Variants in NRXN3 observed in about 807,000 individuals in gnomAD.
The protein encoded by NRXN3 is neurexin III.
A neutral mutation model predicts 137.6 loss-of-function variants in NRXN3; 32 were observed. The ratio of observed to expected loss-of-function variants is 0.23; its 90% CI spans 0.18 to 0.31. The LOEUF is 0.31. NRXN3 is among the 10% of genes least tolerant of loss of function. NRXN3 has a pLI of 1.00. For missense variants in NRXN3, 1,574 were observed against 2,062.5 expected (o/e 0.76, Z 4.59); for synonymous variants, 798 against 784.5 (o/e 1.02, Z -0.29).
chr14:79,832,554 G>T (rs2099327058), intron 20 of NRXN3, among the ~76,000 whole-genome samples: 1 of 152,148 alleles, frequency 6.6e-6, no homozygotes, highest in African/African-American at 2.4e-5. Context: ...GCCACAACTG[G>T]GAAGATGCTA....
intron 10 of NRXN3, among the ~76,000 whole-genome samples, chr14:78,848,181 C>T (rs2099032915): frequency 6.6e-6 from 1 of 152,078 alleles, no homozygotes. Context: ...CTTCACCCAC[C>T]AGCGCAGTAC....
At chr14:78,844,157 C>A (rs188083060) in intron 10 of NRXN3, among the ~76,000 whole-genome samples, 259 of 152,210 alleles carry the variant, frequency 1.7e-3, no homozygotes, top group Non-Finnish European at 2.9e-3. Flanking sequence ...GTTGCTGCTT[C>A]ACTCCAAACT....
At chr14:79,103,541 T>C (rs956177352) in intron 15 of NRXN3, among the ~76,000 whole-genome samples, 16 of 152,040 alleles carry the variant, frequency 1.1e-4, no homozygotes, top group Middle Eastern at 3.4e-3. Flanking sequence ...TGGCCTGGAG[T>C]TCGGGAGGGA....
intron 4 of NRXN3, among the ~76,000 whole-genome samples, chr14:78,333,481 G>T (rs374490187): frequency 7.9e-5 from 12 of 152,234 alleles, no homozygotes; most frequent in East Asian, 1.9e-4. Flanking sequence ...CACACATAAA[G>T]AAAAATCACA....
chr14:78,407,462 C>A (rs1456428707), intron 4 of NRXN3, among the ~76,000 whole-genome samples: 1 of 152,124 alleles, frequency 6.6e-6, no homozygotes, highest in Non-Finnish European at 1.5e-5. Flanking sequence ...TGGGGTTATG[C>A]TTTGGAAGGC....
intron 15 of NRXN3, among the ~76,000 whole-genome samples, chr14:79,070,107 A>C (rs1354232301): frequency 6.6e-6 from 1 of 152,010 alleles, no homozygotes; most frequent in Non-Finnish European, 1.5e-5. Flanking sequence ...GGATGTTATG[A>C]CCCTCTAATT....
chr14:79,112,938 C>G (rs2053799387), intron 15 of NRXN3, among the ~76,000 whole-genome samples: 1 of 152,126 alleles, frequency 6.6e-6, no homozygotes, highest in South Asian at 2.1e-4. Flanking sequence ...GTTTTCCTAC[C>G]TGGAGAGAAT....
chr14:79,195,948 G>T (rs1157632516), intron 15 of NRXN3, among the ~76,000 whole-genome samples: 1 of 152,170 alleles, frequency 6.6e-6, no homozygotes, highest in Non-Finnish European at 1.5e-5. Context: ...TATTTTTACA[G>T]ATTAGTTTTT....
At chr14:78,631,600 G>A (rs2152535153) in intron 4 of NRXN3, among the ~76,000 whole-genome samples, 1 of 152,306 alleles carries the variant, frequency 6.6e-6, no homozygotes, top group South Asian at 2.1e-4. Context: ...CAATTTGAGT[G>A]TTCATTTCAG....
chr14:79,092,744 G>A (rs1051693200), intron 15 of NRXN3, among the ~76,000 whole-genome samples: 2 of 152,134 alleles, frequency 1.3e-5, no homozygotes, highest in African/African-American at 4.8e-5. Context: ...ATGGCTAAAT[G>A]AGCCCCAGGA....
At chr14:79,245,865 G>T (rs758904057) in intron 15 of NRXN3, among the ~76,000 whole-genome samples, 49 of 152,080 alleles carry the variant, frequency 3.2e-4, no homozygotes, top group Non-Finnish European at 6.8e-4. Context: ...CACATAAATT[G>T]TTTTTAAAGG....
chr14:79,189,906 A>AT (rs1236365674), intron 15 of NRXN3, among the ~76,000 whole-genome samples: 1 of 152,096 alleles, frequency 6.6e-6, no homozygotes, highest in African/African-American at 2.4e-5. Flanking sequence ...TTACACTGTG[A>AT]TTTTTTTCTT....
chr14:78,218,916 T>C (rs2063554671), intron 1 of NRXN3, among the ~76,000 whole-genome samples: 1 of 152,190 alleles, frequency 6.6e-6, no homozygotes, highest in Non-Finnish European at 1.5e-5. Flanking sequence ...TCCAAGGTTT[T>C]GGCAGGACTG....
intron 4 of NRXN3, among the ~76,000 whole-genome samples, chr14:78,579,981 A>T (rs764672337): frequency 6.6e-6 from 1 of 152,158 alleles, no homozygotes; most frequent in East Asian, 1.9e-4. Context: ...TACCTATCTC[A>T]TAGGCTTTTT....
intron 3 of NRXN3, among the ~76,000 whole-genome samples, chr14:78,284,638 A>G (rs1192025633): frequency 6.6e-6 from 1 of 152,138 alleles, no homozygotes; most frequent in Non-Finnish European, 1.5e-5. Context: ...CGGAAAATCA[A>G]CCCACCGTTG....
rs144605169 is a variant in NRXN3, at chr14:79,620,929, A to T, written c.3445-42849A>T. Among the ~76,000 whole-genome samples the T allele has an allele frequency of 8.3e-4, 126 of 152,248 alleles. 2 individuals are homozygous for T. Among genetic ancestry groups the T allele is most frequent in the Middle Eastern group, 3.4e-3 (1 of 294 alleles). On this transcript the variant is annotated intron_variant, in intron 16 of 20. Coordinates refer to ENST00000335750, the MANE Select transcript of NRXN3 (RefSeq NM_001330195.2). ...CACTCAGACTTTGGGGGAGATCTACATTTAGGAAGTAGGAGGAGAAAAGTA... is the reference window on the plus strand; with the variant it reads ...CACTCAGACTTTGGGGGAGATCTACTTTTAGGAAGTAGGAGGAGAAAAGTA...
chr14:78,316,020 G>A (rs1453265193), intron 4 of NRXN3, among the ~76,000 whole-genome samples: 1 of 152,152 alleles, frequency 6.6e-6, no homozygotes, highest in Non-Finnish European at 1.5e-5. Context: ...TGTAGCTAGA[G>A]GTTGGCCCAT....
intron 15 of NRXN3, among the ~76,000 whole-genome samples, chr14:79,163,165 A>G (rs1170659044): frequency 6.6e-6 from 1 of 151,914 alleles, no homozygotes; most frequent in African/African-American, 2.4e-5. Flanking sequence ...ACAAAAATAA[A>G]CTTATCAGTA....
intron 16 of NRXN3, among the ~76,000 whole-genome samples, chr14:79,600,626 G>A (rs1310837648): frequency 6.6e-6 from 1 of 152,184 alleles, no homozygotes; most frequent in Non-Finnish European, 1.5e-5. Context: ...GGGGCTGTAA[G>A]AGAGACTCTC....
Sources: allele counts gnomAD v4.1 joint callset (sites outside exome capture counted in the v4.1 genomes callset), GRCh38; gene constraint gnomAD v4.1.1; transcripts MANE v1.5; gene names NCBI Gene and HGNC (gene_info 2026-07-23, HGNC 2026-07-21).